Variants in SULT4A1 observed in about 807,000 individuals in gnomAD.
The protein encoded by SULT4A1 is sulfotransferase family 4A member 1.
In SULT4A1, 11 loss-of-function variants were observed where a neutral mutation model predicts 35.2. The ratio of observed to expected loss-of-function variants is 0.31; its 90% CI spans 0.20 to 0.52. SULT4A1 has a LOEUF of 0.52. Among genes scored for constraint, SULT4A1 ranks in the 20% least tolerant of loss-of-function variants. The probability of loss-of-function intolerance (pLI) is 0.97; values close to 1 mark genes in which losing one functional copy is unlikely to be tolerated. For synonymous variants in SULT4A1, 152 were observed against 151.8 expected, an observed-to-expected ratio of 1.00 and a Z score of -0.01; for missense variants, 271 against 383.7, an observed-to-expected ratio of 0.71 and a Z score of 2.45.
At chr22:43,835,725 C>G (rs1342127563) in intron 4 of SULT4A1, among the ~76,000 whole-genome samples, 5 of 152,198 alleles carry the variant, frequency 3.3e-5, no homozygotes, top group Non-Finnish European at 7.3e-5. Flanking sequence ...AAGAAAAACC[C>G]CACTTCATTC....
chr22:43,856,389 A>C (rs1451025993), intron 1 of SULT4A1, among the ~76,000 whole-genome samples: 1 of 152,164 alleles, frequency 6.6e-6, no homozygotes, highest in Non-Finnish European at 1.5e-5. Flanking sequence ...AAGGGACATG[A>C]AACTCCTGCA....
chr22:43,859,184 GTC>G (rs1491258926), intron 1 of SULT4A1, among the ~76,000 whole-genome samples: 1 of 152,196 alleles, frequency 6.6e-6, no homozygotes, highest in Admixed American at 6.5e-5. Context: ...CACACCATGA[GTC>G]TCCCCTCAGC....
At chr22:43,855,345 A>G (rs1488043084) in intron 1 of SULT4A1, among the ~76,000 whole-genome samples, 1 of 152,224 alleles carries the variant, frequency 6.6e-6, no homozygotes, top group East Asian at 1.9e-4. Context: ...CAAAGACAGG[A>G]AACCCGCTTT....
intron 6 of SULT4A1, among the ~76,000 whole-genome samples, chr22:43,827,831 A>C (rs1569502510): frequency 6.6e-6 from 1 of 152,100 alleles, no homozygotes; most frequent in South Asian, 2.1e-4. Context: ...AGGATAACAA[A>C]ACACAGCAAA....
intron 1 of SULT4A1, among the ~76,000 whole-genome samples, chr22:43,851,942 C>A (rs1339197932): frequency 6.6e-6 from 1 of 152,222 alleles, no homozygotes; most frequent in Non-Finnish European, 1.5e-5. Context: ...AGTGAGACAG[C>A]ACTCAGCCCT....
intron 1 of SULT4A1, among the ~76,000 whole-genome samples, chr22:43,842,803 G>A (rs2063444903): frequency 6.6e-6 from 1 of 152,174 alleles, no homozygotes; most frequent in Non-Finnish European, 1.5e-5. Context: ...CGATTCCGGG[G>A]TCTAGAGCTA....
rs200130524 is a variant in SULT4A1 at position 43,862,341 on chromosome 22, C to T, written c.42G>A (p.Glu14=). ...SEAETPSTPG[E]FESKYFEFHG... ...GGAACTCGAAGTACTTGCTCTCGAA[C>T]TCCCCCGGGGTGCTGGGGGTCTCGG... Residue 14 remains glutamate, a synonymous_variant, in exon 1 of 7, where the codon GAG becomes GAA. Transcript: ENST00000330884. The T allele has an allele frequency of 1.1e-4, 165 of 1,546,702 alleles. No homozygotes were observed. Among genetic ancestry groups the T allele is most frequent in the Non-Finnish European group, 4.8e-5 (55 of 1,144,348 alleles).
rs1464649213 is a variant in SULT4A1 at position 43,825,905 on chromosome 22, C to T, written c.*96G>A. 3 of 1,257,880 alleles carry T rather than the reference C, an allele frequency of 2.4e-6. No individual in the cohort carries two copies. Among genetic ancestry groups the T allele is most frequent in the Non-Finnish European group, 3.4e-6 (3 of 885,786 alleles). The allele number at this position is 1,257,880 out of a possible 1,614,324, so 77.9% of individuals were successfully genotyped here. A position where few individuals can be genotyped will look rare whatever the true frequency, so the allele number is the denominator to read the frequency against. On this transcript the variant is annotated 3_prime_UTR_variant, in exon 7 of 7. Transcript: ENST00000330884. ...CCCCCGCTGTTTCACACGCTGCTTC[C>T]AGAGTTTGTCCAGCAAGGAATAAAT...
At chr22:43,826,510 C>T (rs1386782092) in intron 6 of SULT4A1, 22 of 985,262 alleles carry the variant, frequency 2.2e-5, no homozygotes, top group Non-Finnish European at 2.3e-5. Context: ...TATGATCTGC[C>T]GCGGGAGTGC....
At chr22:43,834,024 C>G (rs2063345133) in intron 4 of SULT4A1, among the ~76,000 whole-genome samples, 1 of 152,312 alleles carries the variant, frequency 6.6e-6, no homozygotes, top group Admixed American at 6.5e-5. Context: ...GTTACTTTAT[C>G]CGCTTAACAA....
Position 43,841,926 on chromosome 22 carries a change from C to T in SULT4A1, c.176G>A (p.Ser59Asn), listed in dbSNP as rs1325608117. 6.2e-7 allele frequency: 1 copy of T among 1,612,916 alleles called. No individual in the cohort carries two copies. Among genetic ancestry groups the T allele is most frequent in the Non-Finnish European group, 8.5e-7 (1 of 1,179,312 alleles). The change falls in exon 2 of 7, where the codon AGC becomes AAC. Residue 59 changes from serine to asparagine, a missense_variant. Physicochemically the swap from Ser to Asn is conservative, Grantham distance 46 (BLOSUM62 1). Around this residue, in one of 3 missense-constraint regions of SULT4A1, gnomAD observed 164 missense variants for 254.1 expected, o/e 0.65. Coordinates refer to ENST00000330884, the MANE Select transcript of SULT4A1 (RefSeq NM_014351.4). ...WIVTYPKSGT[S>N]LLQEVVYLVS... ...CAAGTAGACCACCTCCTGCAGCAAG[C>T]TGGTGCCTGGAGGGGAGAAGCCCCA...
Position 43,840,527 on chromosome 22 carries a change from G to A in SULT4A1, c.301-502C>T, listed in dbSNP as rs149912785. ...TCCACCCATCATAGCCACAGCCACA[G>A]GATCTGCTCAGGGGGCCTGGGAGCT... On this transcript the variant is annotated intron_variant, in intron 2 of 6. Coordinates refer to ENST00000330884, the MANE Select transcript of SULT4A1 (RefSeq NM_014351.4). Among the ~76,000 whole-genome samples the A allele has an allele frequency of 5.2e-3, 797 of 152,248 alleles. 8 individuals are homozygous for A. The highest frequency in any genetic ancestry group is 0.031 in the Middle Eastern group (9 of 294).
chr22:43,846,570 TGAAG>T (rs1332182458), intron 1 of SULT4A1, among the ~76,000 whole-genome samples: 6 of 152,224 alleles, frequency 3.9e-5, no homozygotes, highest in African/African-American at 1.4e-4. Flanking sequence ...GCAAAGGCAC[TGAAG>T]GAAGGAAGTG....
intron 2 of SULT4A1, 124 bp downstream of exon 2, chr22:43,841,678 C>T (rs2063430511): frequency 7.0e-7 from 1 of 1,435,958 alleles, no homozygotes; most frequent in Admixed American, 2.1e-5. Flanking sequence ...TCTCCCCTGG[C>T]TATCTGGGGC....
At chr22:43,833,800 C>T in intron 4 of SULT4A1, 66 bp from the exon 5 acceptor site, 1 of 1,372,170 alleles carries the variant, frequency 7.3e-7, no homozygotes, top group East Asian at 2.5e-5. Flanking sequence ...TGGGGCCATC[C>T]CCACCCCACA....
intron 5 of SULT4A1, among the ~76,000 whole-genome samples, chr22:43,829,599 G>T (rs755968784): frequency 6.6e-6 from 1 of 152,232 alleles, no homozygotes; most frequent in African/African-American, 2.4e-5. Flanking sequence ...CCTTGGGAGC[G>T]CAGGGAGGCC....
At chr22:43,855,944 C>T (rs12166337) in intron 1 of SULT4A1, among the ~76,000 whole-genome samples, 3 of 152,128 alleles carry the variant, frequency 2.0e-5, no homozygotes, top group African/African-American at 4.8e-5. Flanking sequence ...ATGCAGGTGG[C>T]GAGAGGAATT....
chr22:43,832,387 G>A (rs1262261627), intron 5 of SULT4A1, among the ~76,000 whole-genome samples: 1 of 152,090 alleles, frequency 6.6e-6, no homozygotes, highest in Non-Finnish European at 1.5e-5. Flanking sequence ...GTGGGGAACC[G>A]ACAGCATGCG....
intron 5 of SULT4A1, among the ~76,000 whole-genome samples, chr22:43,831,413 T>C (rs1466230211): frequency 6.6e-6 from 1 of 151,590 alleles, no homozygotes; most frequent in Non-Finnish European, 1.5e-5. Flanking sequence ...GGTGGCAAAA[T>C]AGTGACCAGC....
Sources: gnomAD v4.1 joint callset for allele counts (sites outside exome capture counted in the v4.1 genomes callset) on GRCh38, gnomAD v4.1.1 for gene constraint, gnomAD v4.1.1 regional missense constraint, MANE v1.5 for transcripts, NCBI Gene and HGNC (gene_info 2026-07-23, HGNC 2026-07-21) for gene names.